Variants in CCDC170 observed in about 807,000 individuals in gnomAD.
CCDC170 encodes the protein coiled-coil domain-containing protein 170.
A neutral mutation model predicts 72.6 loss-of-function variants in CCDC170; 69 were observed. The ratio of observed to expected loss-of-function variants is 0.95; its 90% confidence interval spans 0.78 to 1.16. The LOEUF (loss-of-function observed/expected upper bound fraction) is 1.16. Ranked by LOEUF, CCDC170 falls within the 50% of genes most tolerant of loss-of-function variation. CCDC170 has a pLI of 0.00. For synonymous variants in CCDC170, 300 were observed against 303.9 expected (o/e 0.99, Z 0.13); for missense variants, 852 against 832.5 (o/e 1.02, Z -0.29).
intron 6 of CCDC170, among the ~76,000 whole-genome samples, chr6:151,576,048 T>C (rs138948081): frequency 6.6e-6 from 1 of 152,360 alleles, no homozygotes; most frequent in East Asian, 1.9e-4. Context: ...TTCCAGCTCA[T>C]GAAAATTTAA....
At chr6:151,499,449 G>T (rs1195320702) in intron 1 of CCDC170, among the ~76,000 whole-genome samples, 3 of 147,468 alleles carry the variant, frequency 2.0e-5, no homozygotes, top group African/African-American at 7.9e-5. Context: ...GACTATTCTA[G>T]GCACGCTGTA....
intron 3 of CCDC170, among the ~76,000 whole-genome samples, chr6:151,540,238 C>G (rs549361118): frequency 6.6e-6 from 1 of 152,026 alleles, no homozygotes; most frequent in African/African-American, 2.4e-5. Flanking sequence ...TGAGGGTCCT[C>G]TTTCTGGTTT....
intron 1 of CCDC170, among the ~76,000 whole-genome samples, chr6:151,517,034 A>G (rs1782245081): frequency 6.6e-6 from 1 of 152,196 alleles, no homozygotes; most frequent in Non-Finnish European, 1.5e-5. Flanking sequence ...GCTCTTTGTT[A>G]GGAAAGAAAA....
chr6:151,584,456 T>A (rs1776424409), intron 6 of CCDC170, among the ~76,000 whole-genome samples: 1 of 152,208 alleles, frequency 6.6e-6, no homozygotes. Flanking sequence ...ATTAAGAATT[T>A]CAAACGGCAT....
chr6:151,564,243 G>A (rs4869736), intron 5 of CCDC170, among the ~76,000 whole-genome samples: 139,509 of 152,210 alleles, frequency 0.92, 64,182 homozygotes, highest in East Asian at 0.99. Flanking sequence ...TGTGTGCAGC[G>A]GTGTAGTTTC....
In CCDC170 at chr6:151,570,761, T is replaced by C. The variant is rs564717021; in HGVS notation, c.775-2413T>C. Among the ~76,000 whole-genome samples, 307 of 152,352 alleles carry C rather than the reference T, an allele frequency of 2.0e-3. 2 individuals are homozygous for C. Among genetic ancestry groups the C allele is most frequent in the African/African-American group, 7.0e-3 (293 of 41,580 alleles). Reference sequence around the variant, plus strand: ...ATTGAGCAAGTGAGAAGATATTGTATTATGATCTGAAGAGAAATCTGTAAA... The same window carrying C: ...ATTGAGCAAGTGAGAAGATATTGTACTATGATCTGAAGAGAAATCTGTAAA... On this transcript the variant is annotated intron_variant, in intron 5 of 10. Coordinates refer to ENST00000239374, the MANE Select transcript of CCDC170 (RefSeq NM_025059.4).
intron 1 of CCDC170, among the ~76,000 whole-genome samples, chr6:151,508,263 C>T (rs1782092035): frequency 6.6e-6 from 1 of 152,210 alleles, no homozygotes; most frequent in South Asian, 2.1e-4. Context: ...ATCTGCTGGG[C>T]CCAGTGTCTC....
intron 10 of CCDC170, among the ~76,000 whole-genome samples, chr6:151,617,330 G>A (rs56681564): frequency 0.21 from 31,513 of 150,202 alleles, 3,506 homozygotes; most frequent in Middle Eastern, 0.28. Context: ...TTGTGAAATG[G>A]CAATCTGTGT....
At chr6:151,519,998 C>T (rs1387734607) in intron 1 of CCDC170, among the ~76,000 whole-genome samples, 2 of 152,162 alleles carry the variant, frequency 1.3e-5, no homozygotes, top group Non-Finnish European at 2.9e-5. Flanking sequence ...TTTATGATCT[C>T]CTATCTCATC....
intron 7 of CCDC170, 34 bp from the exon 8 acceptor site, chr6:151,593,073 C>G: frequency 1.2e-6 from 2 of 1,608,604 alleles, no homozygotes; most frequent in Non-Finnish European, 1.7e-6. Flanking sequence ...CTTTGACTTT[C>G]ATGTCCCATT....
At chr6:151,612,455 G>C (rs1224502305) in intron 9 of CCDC170, among the ~76,000 whole-genome samples, 1 of 152,110 alleles carries the variant, frequency 6.6e-6, no homozygotes, top group Non-Finnish European at 1.5e-5. Flanking sequence ...TTCATTCATT[G>C]GGGCAGCAAC....
chr6:151,607,610 G>T (rs887781601), intron 9 of CCDC170, among the ~76,000 whole-genome samples: 11 of 149,928 alleles, frequency 7.3e-5, no homozygotes, highest in African/African-American at 2.7e-4. Context: ...AACTTTGTTG[G>T]CTGTGTATTG....
At chr6:151,566,418 CT>C (rs1217364321) in intron 5 of CCDC170, among the ~76,000 whole-genome samples, 1 of 151,862 alleles carries the variant, frequency 6.6e-6, no homozygotes, top group Non-Finnish European at 1.5e-5. Flanking sequence ...GGGAAGAATA[CT>C]TTTTTCCTTA....
At position 151,596,572 on chromosome 6, in the gene CCDC170, C is replaced by T. The variant is rs1320558064; in HGVS notation, c.1705C>T (p.Leu569=). Reference sequence around the variant, plus strand: ...AGCCAAACTGGCCGACACCAATGAACTGAAGGCAAGTGCTTGGCTTCATTT... The same window carrying T: ...AGCCAAACTGGCCGACACCAATGAATTGAAGGCAAGTGCTTGGCTTCATTT... ...LKAKLADTNE[L]KIKTLEQTKA... is the part of the protein sequence containing the mutation. Residue 569 remains leucine, a synonymous_variant, in exon 9 of 11, where the codon CTG becomes TTG. Transcript: ENST00000239374. The T allele has an allele frequency of 4.3e-6, 7 of 1,613,834 alleles. No homozygotes were observed. Among genetic ancestry groups the T allele is most frequent in the East Asian group, 4.5e-5 (2 of 44,878 alleles).
intron 5 of CCDC170, among the ~76,000 whole-genome samples, chr6:151,567,764 C>A (rs900757049): frequency 2.0e-5 from 3 of 152,112 alleles, no homozygotes; most frequent in Non-Finnish European, 4.4e-5. Flanking sequence ...CACCACTAGC[C>A]ACTTACCACA....
chr6:151,597,034 C>G (rs1274613983), intron 9 of CCDC170, among the ~76,000 whole-genome samples: 1 of 152,190 alleles, frequency 6.6e-6, no homozygotes, highest in African/African-American at 2.4e-5. Context: ...CCATGTTGGT[C>G]AGGTTGGTCT....
Position 151,568,504 on chromosome 6 carries a change from A to G in CCDC170, c.775-4670A>G, listed in dbSNP as rs752662734. ...GTTGACTCAACACTTTAAATGGACT[A>G]AAATTCCCCGGTGTTTTCATAGTTG... is the stretch of plus-strand genomic sequence containing the variant. On this transcript the variant is annotated intron_variant, in intron 5 of 10. Coordinates refer to ENST00000239374, the MANE Select transcript of CCDC170 (RefSeq NM_025059.4). Among the ~76,000 whole-genome samples the G allele has an allele frequency of 1.7e-3, 262 of 152,324 alleles. 1 individual carries two copies. Among genetic ancestry groups the G allele is most frequent in the Non-Finnish European group, 3.0e-3 (202 of 68,032 alleles).
intron 1 of CCDC170, among the ~76,000 whole-genome samples, chr6:151,526,090 T>G (rs1355074285): frequency 2.7e-5 from 4 of 145,968 alleles, no homozygotes; most frequent in African/African-American, 1.1e-4. Context: ...CTTCCTTCCT[T>G]CCTTTCTTCC....
At chr6:151,600,973 T>C (rs113891313) in intron 9 of CCDC170, among the ~76,000 whole-genome samples, 8,722 of 152,306 alleles carry the variant, frequency 0.057, 304 homozygotes, top group South Asian at 0.096. Flanking sequence ...GTAAATTGTA[T>C]ATAAATGGAA....
Sources: gnomAD v4.1 joint callset for allele counts (sites outside exome capture counted in the v4.1 genomes callset) on GRCh38, gnomAD v4.1.1 for gene constraint, MANE v1.5 for transcripts, NCBI Gene and HGNC (gene_info 2026-07-23, HGNC 2026-07-21) for gene names.